Variants in ROCK2 observed in about 807,000 individuals in gnomAD.
ROCK2 encodes the protein rho-associated protein kinase 2.
Under a neutral mutation model 195.1 loss-of-function variants are expected in ROCK2, and 61 were observed. The ratio of observed to expected loss-of-function variants is 0.31; its 90% CI spans 0.25 to 0.39. The LOEUF (loss-of-function observed/expected upper bound fraction) is 0.39, where lower values mean the gene tolerates loss of function less well. Among genes scored for constraint, ROCK2 ranks in the 10% least tolerant of loss-of-function variants. The pLI is 1.00. For synonymous variants in ROCK2, 504 were observed against 545.5 expected (o/e 0.92, Z 1.06); for missense variants, 1,109 against 1,637.4 (o/e 0.68, Z 5.57).
At chr2:11,261,756 C>T (rs761493253) in intron 3 of ROCK2, among the ~76,000 whole-genome samples, 6 of 152,144 alleles carry the variant, frequency 3.9e-5, no homozygotes, top group South Asian at 2.1e-4. Context: ...ACCCAGGAGA[C>T]GGAGGATGCA....
At chr2:11,206,574 TAAATAG>T (rs1664059215) in intron 20 of ROCK2, among the ~76,000 whole-genome samples, 1 of 152,186 alleles carries the variant, frequency 6.6e-6, no homozygotes, top group East Asian at 1.9e-4. Flanking sequence ...ACCCTGGCAA[TAAATAG>T]ATCAGCTCAG....
intron 3 of ROCK2, among the ~76,000 whole-genome samples, chr2:11,263,669 ACAC>A (rs1558338934): frequency 2.7e-5 from 4 of 149,880 alleles, no homozygotes; most frequent in Admixed American, 6.6e-5. Context: ...ACACACACAC[ACAC>A]AAAAAAAAAC....
chr2:11,241,689 G>A (rs1386118220), intron 4 of ROCK2, among the ~76,000 whole-genome samples: 1 of 152,202 alleles, frequency 6.6e-6, no homozygotes, highest in Non-Finnish European at 1.5e-5. Context: ...AATATGTAAT[G>A]TTGGAACAAC....
At chr2:11,292,025 T>G (rs982182508) in intron 1 of ROCK2, among the ~76,000 whole-genome samples, 8 of 152,144 alleles carry the variant, frequency 5.3e-5, no homozygotes, top group African/African-American at 1.9e-4. Context: ...TAAATCAACC[T>G]TATTGAGGAC....
intron 1 of ROCK2, 96 bp from the exon 2 acceptor site, chr2:11,287,832 G>A (rs2148195291): frequency 2.3e-6 from 1 of 435,112 alleles, no homozygotes; most frequent in East Asian, 3.7e-5. Context: ...TTTTCACCAG[G>A]AAAATGCCAA....
intron 11 of ROCK2, 82 bp downstream of exon 11, chr2:11,218,373 G>T: frequency 9.6e-7 from 1 of 1,037,366 alleles, no homozygotes; most frequent in South Asian, 1.7e-5. Flanking sequence ...CCAAATGCTA[G>T]GTAGGATATG....
At chr2:11,230,628 G>A (rs780514820) in intron 5 of ROCK2, among the ~76,000 whole-genome samples, 5 of 152,018 alleles carry the variant, frequency 3.3e-5, no homozygotes, top group Admixed American at 6.6e-5. Flanking sequence ...TCTACTGAAG[G>A]GTATTAAGCT....
rs745911495 is a variant in ROCK2 at position 11,227,212 on chromosome 2, A to AT, written c.868+41dup. 1.9e-6 allele frequency: 3 copies of AT among 1,539,042 alleles called. No individual in the cohort carries two copies. In the African/African-American group the frequency reaches 4.1e-5, roughly 21 times the overall value. ...AAATTCTTGACTGAAATAAAGTATTATAAGAAGCATTTTGAAAAAAGAAGT... is the reference window on the plus strand; with the variant it reads ...AAATTCTTGACTGAAATAAAGTATTATTAAGAAGCATTTTGAAAAAAGAAGT... On this transcript the variant is annotated intron_variant, in intron 6 of 32. Transcript: ENST00000315872.
At chr2:11,202,808 A>AT (rs1663911620) in intron 20 of ROCK2, among the ~76,000 whole-genome samples, 1 of 152,074 alleles carries the variant, frequency 6.6e-6, no homozygotes, top group African/African-American at 2.4e-5. Context: ...ACCCTTGATA[A>AT]TTTTTTTAAG....
At chr2:11,224,030 T>C (rs561059644) in intron 7 of ROCK2, among the ~76,000 whole-genome samples, 2 of 152,340 alleles carry the variant, frequency 1.3e-5, no homozygotes, top group South Asian at 4.1e-4. Context: ...GGATAAAATG[T>C]GAACAACACG....
At chr2:11,299,320 T>C (rs972374400) in intron 1 of ROCK2, among the ~76,000 whole-genome samples, 3 of 151,776 alleles carry the variant, frequency 2.0e-5, no homozygotes, top group Admixed American at 6.6e-5. Context: ...CAAATCATTA[T>C]ACCCACAGAC....
intron 32 of ROCK2, among the ~76,000 whole-genome samples, chr2:11,185,521 G>A (rs1050411663): frequency 1.3e-5 from 2 of 152,196 alleles, no homozygotes; most frequent in Non-Finnish European, 2.9e-5. Context: ...CTGAGGTGAG[G>A]AGTTCAAGAC....
chr2:11,304,993 G>C (rs1172540888), intron 1 of ROCK2, among the ~76,000 whole-genome samples: 1 of 152,132 alleles, frequency 6.6e-6, no homozygotes, highest in Non-Finnish European at 1.5e-5. Context: ...ACAAATATGG[G>C]GGAGGAGGGT....
intron 11 of ROCK2, 30 bp from the exon 12 acceptor site, chr2:11,217,199 T>C (rs1412130981): frequency 7.2e-6 from 8 of 1,106,442 alleles, no homozygotes; most frequent in Non-Finnish European, 1.1e-5. Flanking sequence ...TGTAATTACG[T>C]ATTTTGGTCA....
At chr2:11,296,004 A>AGGGGAGAGGGGGGGGGAGAGAGAGAG (rs368823537) in intron 1 of ROCK2, among the ~76,000 whole-genome samples, 1 of 32,816 alleles carries the variant, frequency 3.0e-5, no homozygotes, top group East Asian at 1.5e-3. Flanking sequence ...AGAGAGAGAG[A>AGGGGAGAGGGGGGGGGAGAGAGAGAG]GGAGAGAGAG....
In ROCK2 at chr2:11,215,493, T is replaced by C. The variant is rs746861209; in HGVS notation, c.1597+17A>G. On this transcript the variant is annotated intron_variant, in intron 14 of 32. Transcript: ENST00000315872. ...AATTTTTTTCTTGATGAGTAATTAA[T>C]ATTCTACACCACAAACCATCATTTT... 1.6e-5 allele frequency: 25 copies of C among 1,610,342 alleles called. No individual in the cohort carries two copies. Among genetic ancestry groups the C allele is most frequent in the Non-Finnish European group, 2.0e-5 (24 of 1,178,952 alleles).
intron 3 of ROCK2, among the ~76,000 whole-genome samples, chr2:11,284,682 C>A (rs1380074001): frequency 6.6e-6 from 1 of 152,172 alleles, no homozygotes; most frequent in Non-Finnish European, 1.5e-5. Context: ...CCCCAAATTT[C>A]TTTACTACTT....
chr2:11,242,609 A>G lies in ROCK2; in HGVS notation c.463-6647T>C, dbSNP rs1387985518. Among the ~76,000 whole-genome samples the G allele has an allele frequency of 2.0e-5, 3 of 152,168 alleles. No homozygotes were observed. In the East Asian group the frequency reaches 5.8e-4, roughly 29 times the overall value. On this transcript the variant is annotated intron_variant, in intron 4 of 32. Transcript: ENST00000315872. ...ACTGAAGTATGATCTTGAAGAAACT[A>G]AAATACACAGCATCCCACCTTAAAT...
chr2:11,208,516 A>G, intron 18 of ROCK2, 69 bp from the exon 19 acceptor site: 1 of 876,530 alleles, frequency 1.1e-6, no homozygotes, highest in East Asian at 2.9e-5. Context: ...ATTTGTAAGT[A>G]AAAGCACATT....
Sources: allele counts gnomAD v4.1 joint callset (sites outside exome capture counted in the v4.1 genomes callset), GRCh38; gene constraint gnomAD v4.1.1; transcripts MANE v1.5; gene names NCBI Gene and HGNC (gene_info 2026-07-23, HGNC 2026-07-21).